PTPRD: variants seen among roughly 807,000 people sequenced by gnomAD.
PTPRD encodes the protein protein tyrosine phosphatase receptor type D, also known as receptor-type tyrosine-protein phosphatase delta.
PTPRD carries 34 observed loss-of-function variants against 214.5 expected under a neutral mutation model. The ratio of observed to expected loss-of-function variants is 0.16; its 90% CI spans 0.12 to 0.21. PTPRD has a LOEUF of 0.21. PTPRD is among the 10% of genes least tolerant of loss of function. The probability of loss-of-function intolerance (pLI) is 1.00; values close to 1 mark genes in which losing one functional copy is unlikely to be tolerated. For missense variants in PTPRD, 2,545 were observed against 2,398.7 expected, an observed-to-expected ratio of 1.06 and a Z score of -1.27; for synonymous variants, 1,128 against 845.7, an observed-to-expected ratio of 1.33 and a Z score of -5.79.
intron 2 of PTPRD, among the ~76,000 whole-genome samples, chr9:10,384,770 G>GA (rs34017691): frequency 0.76 from 112,243 of 148,464 alleles, 42,933 homozygotes; most frequent in African/African-American, 0.83. Context: ...AAATTTGTCA[G>GA]AAAAAAAAAA....
chr9:10,261,745 C>A (rs1038945313), intron 3 of PTPRD, among the ~76,000 whole-genome samples: 1 of 151,952 alleles, frequency 6.6e-6, no homozygotes, highest in Non-Finnish European at 1.5e-5. Flanking sequence ...GGAATCATTC[C>A]TTGAACTCAG....
intron 4 of PTPRD, among the ~76,000 whole-genome samples, chr9:9,952,383 G>C (rs1033950127): frequency 6.6e-6 from 1 of 152,106 alleles, no homozygotes; most frequent in African/African-American, 2.4e-5. Flanking sequence ...TTGACCACAG[G>C]CATTTTTGGC....
intron 11 of PTPRD, among the ~76,000 whole-genome samples, chr9:8,928,880 G>C (rs1003130559): frequency 2.0e-5 from 3 of 152,092 alleles, no homozygotes; most frequent in African/African-American, 7.2e-5. Flanking sequence ...GCAGTGGTTT[G>C]CAGTTCTGCC....
chr9:10,321,298 C>A (rs923463233), intron 3 of PTPRD, among the ~76,000 whole-genome samples: 3 of 151,958 alleles, frequency 2.0e-5, no homozygotes, highest in African/African-American at 7.2e-5. Context: ...GAGAAAACAT[C>A]TCTGAGGAAA....
chr9:10,155,155 C>G (rs547491627), intron 3 of PTPRD, among the ~76,000 whole-genome samples: 1 of 152,072 alleles, frequency 6.6e-6, no homozygotes, highest in Admixed American at 6.5e-5. Context: ...TTCTAGAGCT[C>G]TTTCACCTAC....
intron 11 of PTPRD, among the ~76,000 whole-genome samples, chr9:8,887,459 C>T (rs542555685): frequency 8.5e-5 from 13 of 152,182 alleles, no homozygotes; most frequent in African/African-American, 3.1e-4. Context: ...TTGTTTTAAG[C>T]CAAATGACAC....
chr9:10,487,611 C>T (rs980922256), intron 2 of PTPRD, among the ~76,000 whole-genome samples: 2 of 151,140 alleles, frequency 1.3e-5, no homozygotes, highest in Admixed American at 6.6e-5. Context: ...AAGAGAAGAC[C>T]AAATACGGCA....
chr9:10,243,554 T>C (rs189936955), intron 3 of PTPRD, among the ~76,000 whole-genome samples: 104 of 152,134 alleles, frequency 6.8e-4, no homozygotes, highest in Non-Finnish European at 1.0e-3. Context: ...CAACATTCTA[T>C]ATTCTATTTC....
At chr9:10,560,867 A>G (rs1247766140) in intron 2 of PTPRD, among the ~76,000 whole-genome samples, 1 of 152,234 alleles carries the variant, frequency 6.6e-6, no homozygotes, top group Non-Finnish European at 1.5e-5. Context: ...GCATAAATAT[A>G]GAGCCTGTCC....
At chr9:9,584,362 T>G (rs1309659222) in intron 7 of PTPRD, among the ~76,000 whole-genome samples, 1 of 150,566 alleles carries the variant, frequency 6.6e-6, no homozygotes, top group African/African-American at 2.4e-5. Flanking sequence ...TCATCACCAT[T>G]ATTATTATTA....
In PTPRD at chr9:9,281,896, G is replaced by C. The variant is rs147450088; in HGVS notation, c.-202-98533C>G. ...GAATGGATAAACTGTAGTATATCCA[G>C]ATGATGAAATATTATTCAGCACTAA... On this transcript the variant is annotated intron_variant, in intron 9 of 45. Transcript: ENST00000381196. 5.0e-3 allele frequency among the ~76,000 whole-genome samples: 755 copies of C among 150,890 alleles called. 4 individuals are homozygous for C. Among genetic ancestry groups the C allele is most frequent in the African/African-American group, 0.017 (721 of 41,338 alleles).
chr9:9,802,058 G>A (rs1408126), intron 5 of PTPRD, among the ~76,000 whole-genome samples: 97,501 of 151,910 alleles, frequency 0.64, 33,273 homozygotes, highest in East Asian at 0.87. Context: ...AATTGAATGT[G>A]TTTAGCACCA....
At chr9:10,375,339 TATTTC>T (rs1434149750) in intron 2 of PTPRD, among the ~76,000 whole-genome samples, 4 of 152,022 alleles carry the variant, frequency 2.6e-5, no homozygotes, top group Non-Finnish European at 4.4e-5. Context: ...CTGATCCTTT[TATTTC>T]TTTTTACTGT....
In PTPRD at chr9:8,485,110, A is replaced by G; in HGVS notation, c.3153+117T>C. The stretch of plus-strand genomic sequence containing the variant: ...TCCCATGTGAAAGTCACAAATGAAA[A>G]TAGCAAGGACACGTGGCCAAAACAA... On this transcript the variant is annotated intron_variant, in intron 29 of 45. Transcript: ENST00000381196. 8.1e-6 allele frequency: 6 copies of G among 742,850 alleles called. No individual in the cohort carries two copies. In the South Asian group the frequency reaches 1.1e-4, roughly 13 times the overall value. The allele number at this position is 742,850 out of a possible 1,614,324, so 46.0% of individuals were successfully genotyped here.
At chr9:10,041,663 A>G (rs10756000) in intron 3 of PTPRD, among the ~76,000 whole-genome samples, 48,671 of 151,814 alleles carry the variant, frequency 0.32, 8,568 homozygotes, top group East Asian at 0.62. Flanking sequence ...CTAGGTATCA[A>G]TGTTATGAAA....
intron 5 of PTPRD, among the ~76,000 whole-genome samples, chr9:9,833,210 T>G (rs1438683143): frequency 6.6e-6 from 1 of 151,996 alleles, no homozygotes; most frequent in South Asian, 2.1e-4. Flanking sequence ...TTTTCTATTT[T>G]CCAAAGCGTC....
chr9:9,419,997 A>G (rs563091618), intron 8 of PTPRD, among the ~76,000 whole-genome samples: 2 of 151,816 alleles, frequency 1.3e-5, no homozygotes, highest in South Asian at 2.1e-4. Context: ...TTTGATGGTA[A>G]GGAAAGGTAG....
intron 10 of PTPRD, 135 bp downstream of exon 10, chr9:9,183,169 A>G (rs2099929239): frequency 6.6e-6 from 1 of 152,066 alleles, no homozygotes; most frequent in Non-Finnish European, 1.5e-5. Context: ...TTAGGTAAAC[A>G]GAGTAAAATG....
intron 9 of PTPRD, among the ~76,000 whole-genome samples, chr9:9,270,843 G>A (rs1942582127): frequency 1.3e-5 from 2 of 151,272 alleles, no homozygotes; most frequent in Admixed American, 1.3e-4. Context: ...ACATTTTAAG[G>A]GTAGAACCAA....
Sources: gnomAD v4.1 joint callset for allele counts (sites outside exome capture counted in the v4.1 genomes callset) on GRCh38, gnomAD v4.1.1 for gene constraint, MANE v1.5 for transcripts, NCBI Gene and HGNC (gene_info 2026-07-23, HGNC 2026-07-21) for gene names.